Variants in STAT3 observed in about 807,000 individuals in gnomAD.
The protein encoded by STAT3 is signal transducer and activator of transcription 3, also known as DNA-binding protein APRF.
A neutral mutation model predicts 114.3 loss-of-function variants in STAT3; 7 were observed. That is an observed-to-expected ratio of 0.06 (90% CI 0.03 to 0.11). STAT3 has a LOEUF of 0.11. Ranked by LOEUF, STAT3 falls within the 10% of genes least tolerant of loss-of-function variation. The pLI is 1.00. For missense variants in STAT3, 364 were observed against 960.9 expected (o/e 0.38, Z 8.21); for synonymous variants, 331 against 354.5 (o/e 0.93, Z 0.74).
At chr17:42,339,220 C>A (rs2082341786) in intron 5 of STAT3, 94 bp downstream of exon 5, 1 of 1,241,278 alleles carries the variant, frequency 8.1e-7, no homozygotes, top group East Asian at 2.5e-5. Context: ...CATGCCACTG[C>A]AGCCCAGCCT....
intron 4 of STAT3, among the ~76,000 whole-genome samples, chr17:42,340,968 G>A (rs557160018): frequency 6.6e-6 from 1 of 152,208 alleles, no homozygotes; most frequent in South Asian, 2.1e-4. Flanking sequence ...GATGGCTGGG[G>A]TGGGGTGGGG....
chr17:42,378,124 T>G (rs1567758333), intron 1 of STAT3, among the ~76,000 whole-genome samples: 1 of 151,838 alleles, frequency 6.6e-6, no homozygotes, highest in Non-Finnish European at 1.5e-5. Context: ...TAGCTGGGAT[T>G]ACAGGCGTGA....
intron 1 of STAT3, among the ~76,000 whole-genome samples, chr17:42,355,450 GACATTAT>G (rs2083182967): frequency 6.6e-6 from 1 of 152,118 alleles, no homozygotes. Flanking sequence ...GCTGCCTTAG[GACATTAT>G]ATGGGGCTCA....
chr17:42,326,809 G>A (rs1351930224), intron 14 of STAT3, among the ~76,000 whole-genome samples: 1 of 152,134 alleles, frequency 6.6e-6, no homozygotes, highest in Non-Finnish European at 1.5e-5. Flanking sequence ...GACAGAGTGA[G>A]ACTCTGTCTC....
intron 23 of STAT3, chr17:42,316,408 A>G: frequency 2.7e-6 from 1 of 371,644 alleles, no homozygotes; most frequent in Non-Finnish European, 5.2e-6. Context: ...GCTAATTTTT[A>G]TATTTTAGAG....
chr17:42,316,643 G>T (rs2081262002), intron 23 of STAT3, 146 bp downstream of exon 23: 2 of 1,535,806 alleles, frequency 1.3e-6, no homozygotes, highest in Non-Finnish European at 1.7e-6. Context: ...CACACATGTG[G>T]CATTCATACC....
At chr17:42,378,314 C>A (rs748707064) in intron 1 of STAT3, among the ~76,000 whole-genome samples, 1 of 152,108 alleles carries the variant, frequency 6.6e-6, no homozygotes, top group East Asian at 1.9e-4. Flanking sequence ...GGCACGATCT[C>A]GACTCACTGC....
At chr17:42,346,447 T>C in intron 3 of STAT3, 122 bp downstream of exon 3, 3 of 1,436,716 alleles carry the variant, frequency 2.1e-6, no homozygotes, top group Non-Finnish European at 2.9e-6. Flanking sequence ...TCTCCTGTGA[T>C]TGAAAATACA....
intron 18 of STAT3, 65 bp downstream of exon 18, chr17:42,323,508 G>T: frequency 6.3e-7 from 1 of 1,588,900 alleles, no homozygotes; most frequent in Non-Finnish European, 8.6e-7. Flanking sequence ...TCAAGCCAGA[G>T]CCCTCAACGA....
At chr17:42,321,417 A>G (rs7220550) in intron 21 of STAT3, among the ~76,000 whole-genome samples, 39,069 of 151,920 alleles carry the variant, frequency 0.26, 5,856 homozygotes, top group African/African-American at 0.4. Context: ...GAGCCACTTC[A>G]CCCAGCTAAA....
At chr17:42,356,563 C>A (rs2083242125) in intron 1 of STAT3, among the ~76,000 whole-genome samples, 1 of 148,294 alleles carries the variant, frequency 6.7e-6, no homozygotes, top group Non-Finnish European at 1.5e-5. Context: ...ACATTGGAGT[C>A]ATAGCATTAA....
At chr17:42,383,826 C>T (rs1269119256) in intron 1 of STAT3, among the ~76,000 whole-genome samples, 2 of 152,100 alleles carry the variant, frequency 1.3e-5, no homozygotes, top group African/African-American at 2.4e-5. Context: ...TTTTTAAGTG[C>T]CAAAGACATA....
chr17:42,346,430 A>G (rs2082703430), intron 3 of STAT3, 139 bp downstream of exon 3: 2 of 1,266,174 alleles, frequency 1.6e-6, no homozygotes, highest in Non-Finnish European at 1.1e-6. Context: ...AGAAAGGGCT[A>G]ATTACTTCTC....
chr17:42,376,773 G>A (rs1296323541), intron 1 of STAT3, among the ~76,000 whole-genome samples: 1 of 152,040 alleles, frequency 6.6e-6, no homozygotes, highest in East Asian at 1.9e-4. Context: ...ATGAACCCGG[G>A]AGGCTGAGCT....
chr17:42,332,973 C>T (rs748206036), intron 10 of STAT3, among the ~76,000 whole-genome samples: 1 of 152,130 alleles, frequency 6.6e-6, no homozygotes, highest in Non-Finnish European at 1.5e-5. Flanking sequence ...TGCACACCAG[C>T]CTGGGTGAGA....
intron 23 of STAT3, chr17:42,316,559 T>C: frequency 1.7e-6 from 2 of 1,202,042 alleles, no homozygotes; most frequent in Middle Eastern, 2.0e-4. Flanking sequence ...ATGTTGGATT[T>C]AGTGGGTTAA....
intron 1 of STAT3, among the ~76,000 whole-genome samples, chr17:42,378,304 G>A (rs535085660): frequency 6.6e-6 from 1 of 151,966 alleles, no homozygotes; most frequent in Non-Finnish European, 1.5e-5. Flanking sequence ...GGAGTGCAGT[G>A]GCACGATCTC....
rs1217582556 is a variant in STAT3, at chr17:42,381,710, C to T, written c.-24+6569G>A. On this transcript the variant is annotated intron_variant, in intron 1 of 23. Coordinates refer to ENST00000264657, the MANE Select transcript of STAT3 (RefSeq NM_139276.3). ...TAGCGCCACTGCACTCCAGCCTGGG[C>T]GACAGAGCGAGACTCCATCTCAAAA... Among the ~76,000 whole-genome samples, 11 of 139,382 alleles carry T rather than the reference C, an allele frequency of 7.9e-5. No individual in the cohort carries two copies. The South Asian group carries it at 2.4e-3, about 31-fold the overall frequency. The allele number at this position is 139,382 out of a possible 152,430, so 91.4% of individuals were successfully genotyped here.
intron 1 of STAT3, 145 bp downstream of exon 1, chr17:42,388,134 A>T: frequency 1.0e-6 from 1 of 1,000,534 alleles, no homozygotes; most frequent in Non-Finnish European, 1.3e-6. Flanking sequence ...GTCTTCCCTC[A>T]GGGCGACCCT....
Sources: gnomAD v4.1 joint callset for allele counts (sites outside exome capture counted in the v4.1 genomes callset) on GRCh38, gnomAD v4.1.1 for gene constraint, MANE v1.5 for transcripts, NCBI Gene and HGNC (gene_info 2026-07-23, HGNC 2026-07-21) for gene names.